Variants in MAF observed in about 807,000 individuals in gnomAD.
MAF encodes MAF bZIP transcription factor, also known as transcription factor Maf.
MAF carries 10 observed loss-of-function variants against 22.0 expected under a neutral mutation model. That is an observed-to-expected ratio of 0.45 (90% CI 0.28 to 0.77). MAF has a LOEUF of 0.77. Ranked by LOEUF, MAF falls within the 30% of genes least tolerant of loss-of-function variation. The pLI, the probability that MAF is intolerant of heterozygous loss-of-function variation, is 0.12. For synonymous variants in MAF, 337 were observed against 255.8 expected (o/e 1.32, Z -3.03); for missense variants, 544 against 548.4 (o/e 0.99, Z 0.08).
the MAF span, among the ~76,000 whole-genome samples, chr16:79,331,694 G>C: frequency 5.6e-4 from 86 of 152,300 alleles, 1 homozygote; most frequent in South Asian, 5.0e-3. Context: ...AGCTCTTGGA[G>C]AGTAAGATCT....
chr16:79,384,742 G>T, the MAF span, among the ~76,000 whole-genome samples: 2 of 152,146 alleles, frequency 1.3e-5, no homozygotes, highest in Non-Finnish European at 2.9e-5. Flanking sequence ...GGGCAGCAGG[G>T]AGAGACTCTG....
At chr16:79,591,072 G>C (rs535920067), downstream of MAF, among the ~76,000 whole-genome samples, 3 of 152,098 alleles carry the variant, frequency 2.0e-5, no homozygotes, top group Non-Finnish European at 4.4e-5. Context: ...GAAGGAGAGT[G>C]ATTTTCTCTC....
chr16:79,515,302 AC>A, the MAF span, among the ~76,000 whole-genome samples: 1 of 152,214 alleles, frequency 6.6e-6, no homozygotes, highest in Non-Finnish European at 1.5e-5. Context: ...ATGGTGCCCA[AC>A]TTTTGATGGT....
chr16:79,229,651 A>G, the MAF span, among the ~76,000 whole-genome samples: 1 of 151,998 alleles, frequency 6.6e-6, no homozygotes, highest in South Asian at 2.1e-4. Flanking sequence ...CGTGGCGAGC[A>G]GCACCTGGGC....
intron 1 of MAF, chr16:79,597,569 G>A (rs1913608644): frequency 9.8e-7 from 1 of 1,022,962 alleles, no homozygotes; most frequent in African/African-American, 1.7e-5. Context: ...AATGCCTTCA[G>A]TGCATTGGGA....
chr16:79,380,570 T>C, the MAF span, among the ~76,000 whole-genome samples: 3 of 152,260 alleles, frequency 2.0e-5, no homozygotes, highest in African/African-American at 7.2e-5. Flanking sequence ...TTAACTGCTA[T>C]GATATATTCT....
At chr16:79,382,019 T>A in the MAF span, among the ~76,000 whole-genome samples, 38 of 152,188 alleles carry the variant, frequency 2.5e-4, no homozygotes, top group Non-Finnish European at 4.6e-4. Flanking sequence ...CTCCGCTGCT[T>A]CTCTTTCCTT....
the MAF span, among the ~76,000 whole-genome samples, chr16:79,332,475 A>AT: frequency 6.6e-6 from 1 of 152,036 alleles, no homozygotes; most frequent in South Asian, 2.1e-4. Context: ...TAATTTTTGC[A>AT]TTTTTGTAGA....
chr16:79,258,461 A>G, the MAF span, among the ~76,000 whole-genome samples: 21 of 152,304 alleles, frequency 1.4e-4, no homozygotes, highest in South Asian at 3.3e-3. Context: ...GTGGGGTCCA[A>G]GCCCATTTTC....
chr16:79,391,253 G>C, the MAF span, among the ~76,000 whole-genome samples: 187 of 152,270 alleles, frequency 1.2e-3, 1 homozygote, highest in African/African-American at 4.3e-3. Context: ...ATAATGACAT[G>C]CTTCTCAAGA....
At chr16:79,363,997 G>A in the MAF span, among the ~76,000 whole-genome samples, 1 of 152,116 alleles carries the variant, frequency 6.6e-6, no homozygotes, top group African/African-American at 2.4e-5. Flanking sequence ...GTGACCAAAT[G>A]CAGGAGGTTG....
the MAF span, among the ~76,000 whole-genome samples, chr16:79,496,562 C>A: frequency 6.6e-6 from 1 of 152,144 alleles, no homozygotes; most frequent in African/African-American, 2.4e-5. Flanking sequence ...AGTTTCTTGC[C>A]GTGGTATTAT....
the MAF span, among the ~76,000 whole-genome samples, chr16:79,250,224 C>T: frequency 6.6e-6 from 1 of 152,210 alleles, no homozygotes; most frequent in Non-Finnish European, 1.5e-5. Flanking sequence ...TTGTGCATGG[C>T]ACTTTGAACA....
chr16:79,282,000 T>C, the MAF span, among the ~76,000 whole-genome samples: 138,870 of 152,130 alleles, frequency 0.91, 63,462 homozygotes, highest in East Asian at 1. Context: ...TGTCTGGGTC[T>C]TGAAGGTAAG....
chr16:79,448,450 G>C, the MAF span, among the ~76,000 whole-genome samples: 1 of 151,470 alleles, frequency 6.6e-6, no homozygotes, highest in East Asian at 1.9e-4. Flanking sequence ...TTTTGAGGAG[G>C]AGTCTTGCAC....
the MAF span, chr16:79,204,096 G>T: frequency 6.6e-6 from 1 of 151,954 alleles, no homozygotes; most frequent in Non-Finnish European, 1.5e-5. Context: ...AATTTCTATG[G>T]CACTTCTGCT....
chr16:79,248,608 T>C, the MAF span, among the ~76,000 whole-genome samples: 1 of 152,196 alleles, frequency 6.6e-6, no homozygotes, highest in African/African-American at 2.4e-5. Context: ...ACTTGGCTCC[T>C]TCTCAATTCT....
the MAF span, among the ~76,000 whole-genome samples, chr16:79,265,086 T>A: frequency 1.6e-4 from 24 of 152,194 alleles, no homozygotes; most frequent in African/African-American, 5.5e-4. Context: ...AATTTCCTCA[T>A]CTGCCATGGG....
chr16:79,447,905 AAAAAGAAAAG>A, the MAF span, among the ~76,000 whole-genome samples: 2 of 85,810 alleles, frequency 2.3e-5, no homozygotes, highest in Admixed American at 3.8e-4. Context: ...AAAAAAAAAA[AAAAAGAAAAG>A]AAAAAGAAAA....
Sources: allele counts gnomAD v4.1 joint callset (sites outside exome capture counted in the v4.1 genomes callset), GRCh38; gene constraint gnomAD v4.1.1; transcripts MANE v1.5; gene names NCBI Gene and HGNC (gene_info 2026-07-23, HGNC 2026-07-21).